Variants in ALK observed in about 807,000 individuals in gnomAD.
The protein encoded by ALK is ALK receptor tyrosine kinase, also known as ALK tyrosine kinase receptor.
In ALK, 74 loss-of-function variants were observed where a neutral mutation model predicts 163.1. The ratio of observed to expected loss-of-function variants is 0.45; its 90% CI spans 0.38 to 0.55. The LOEUF (loss-of-function observed/expected upper bound fraction) is 0.55. Ranked by LOEUF, ALK falls within the 20% of genes least tolerant of loss-of-function variation. The pLI is 0.00. For missense variants in ALK, 2,063 were observed against 2,105.3 expected (o/e 0.98, Z 0.39); for synonymous variants, 960 against 843.2 (o/e 1.14, Z -2.40).
chr2:29,288,951 C>CAAAAAAAAAAAAAAAAAAAAAAAAAAAA (rs770578645), intron 9 of ALK, among the ~76,000 whole-genome samples: 1 of 24,182 alleles, frequency 4.1e-5, no homozygotes, highest in African/African-American at 5.9e-5. Flanking sequence ...GACTCCTTCT[C>CAAAAAAAAAAAAAAAAAAAAAAAAAAAA]AAAAAAATAA....
intron 25 of ALK, among the ~76,000 whole-genome samples, chr2:29,209,210 C>A (rs1364579066): frequency 6.6e-6 from 1 of 152,120 alleles, no homozygotes; most frequent in African/African-American, 2.4e-5. Context: ...CAGAGCATGG[C>A]CAGATTACAG....
At chr2:29,808,059 T>C (rs932656714) in intron 1 of ALK, among the ~76,000 whole-genome samples, 13 of 152,230 alleles carry the variant, frequency 8.5e-5, no homozygotes, top group African/African-American at 3.1e-4. Flanking sequence ...ATTGTTTGGT[T>C]TTCATTTTAT....
Position 29,920,564 on chromosome 2 carries a change from TG to T in ALK, c.95del (p.Pro32GlnfsTer49). On this transcript the variant is annotated frameshift_variant, in exon 1 of 29. Coordinates refer to ENST00000389048, the MANE Select transcript of ALK (RefSeq NM_004304.5). LOFTEE classifies it high-confidence loss of function. The part of the protein sequence containing the change: ...GMGTGQRAGS[P>X]AAGPPLQPRE... ...GGGGCTGCAGCGGCGGCCCCGCAGC[TG>T]GGGAGCCCGCGCGCTGGCCGGTCCC... 6.3e-7 allele frequency: 1 copy of T among 1,596,276 alleles called. No individual in the cohort carries two copies.
At chr2:29,565,097 T>A (rs1205654106) in intron 3 of ALK, among the ~76,000 whole-genome samples, 1 of 152,242 alleles carries the variant, frequency 6.6e-6, no homozygotes, top group Non-Finnish European at 1.5e-5. Context: ...AAGGGACTAA[T>A]GTACAACTCT....
chr2:29,264,053 T>G (rs966671827), intron 11 of ALK, among the ~76,000 whole-genome samples: 3 of 152,206 alleles, frequency 2.0e-5, no homozygotes, highest in African/African-American at 7.2e-5. Flanking sequence ...AACCAACTTT[T>G]TCGTGCTTCT....
intron 23 of ALK, among the ~76,000 whole-genome samples, chr2:29,218,236 C>T (rs1206039812): frequency 6.6e-6 from 1 of 152,150 alleles, no homozygotes; most frequent in Non-Finnish European, 1.5e-5. Flanking sequence ...GCCTGGTTGG[C>T]AACGAGAGCC....
In ALK at chr2:29,305,914, C is replaced by T. The variant is rs545052697; in HGVS notation, c.1648-8857G>A. Among the ~76,000 whole-genome samples the T allele has an allele frequency of 9.2e-5, 14 of 152,224 alleles. No individual in the cohort carries two copies. In the South Asian group the frequency reaches 1.2e-3, roughly 14 times the overall value. ...AATGTCAGATCAGTGCAATAGGGCT[C>T]GCACTTCTATGAGAATCTAGTGCCA... On this transcript the variant is annotated intron_variant, in intron 8 of 28. Transcript: ENST00000389048.
intron 4 of ALK, among the ~76,000 whole-genome samples, chr2:29,419,108 G>A (rs1037168969): frequency 6.6e-6 from 1 of 151,308 alleles, no homozygotes; most frequent in African/African-American, 2.5e-5. Flanking sequence ...AGGCTTGGGT[G>A]CAGTAGTGCA....
At chr2:29,874,533 A>G (rs890711472) in intron 1 of ALK, among the ~76,000 whole-genome samples, 2 of 152,192 alleles carry the variant, frequency 1.3e-5, no homozygotes, top group Non-Finnish European at 2.9e-5. Context: ...CCCGGCCCAC[A>G]TGCACCTAGA....
In ALK at chr2:29,546,347, GA is replaced by G. The variant is rs1271347383; in HGVS notation, c.953-14232del. 1.5e-4 allele frequency among the ~76,000 whole-genome samples: 23 copies of G among 152,316 alleles called. No individual in the cohort carries two copies. In the East Asian group the frequency reaches 4.4e-3, roughly 29 times the overall value. ...AAAAGGCAAAGCAAATAAATAGAAA[GA>G]AACAGAAGACAAAGTGCTGAGAAAT... On this transcript the variant is annotated intron_variant, in intron 3 of 28. Transcript: ENST00000389048.
At chr2:29,479,359 C>T (rs1450226619) in intron 4 of ALK, among the ~76,000 whole-genome samples, 1 of 152,202 alleles carries the variant, frequency 6.6e-6, no homozygotes, top group Non-Finnish European at 1.5e-5. Context: ...AGGTAGCTAA[C>T]AAGCAGGCCC....
intron 1 of ALK, among the ~76,000 whole-genome samples, chr2:29,896,974 CT>C (rs1280788378): frequency 6.6e-6 from 1 of 152,184 alleles, no homozygotes; most frequent in Non-Finnish European, 1.5e-5. Flanking sequence ...CAAAGCAGAG[CT>C]TAGATATAGA....
rs143081196 is a variant in ALK, at chr2:29,665,440, G to A, written c.952+29410C>T. On this transcript the variant is annotated intron_variant, in intron 3 of 28. Coordinates refer to ENST00000389048, the MANE Select transcript of ALK (RefSeq NM_004304.5). ...TAATCACAGCAAGTTTAATGTGTCTGTCACCTACTCCAAACCATGAACTAT... is the reference window on the plus strand; with the variant it reads ...TAATCACAGCAAGTTTAATGTGTCTATCACCTACTCCAAACCATGAACTAT... Among the ~76,000 whole-genome samples the A allele has an allele frequency of 8.1e-3, 1,239 of 152,130 alleles. 14 individuals carry two copies. Among genetic ancestry groups the A allele is most frequent in the South Asian group, 0.045 (215 of 4,810 alleles).
At chr2:29,894,872 A>G (rs1448346129) in intron 1 of ALK, among the ~76,000 whole-genome samples, 1 of 150,946 alleles carries the variant, frequency 6.6e-6, no homozygotes, top group Non-Finnish European at 1.5e-5. Context: ...ACACACACAC[A>G]CACACCCCGA....
intron 5 of ALK, among the ~76,000 whole-genome samples, chr2:29,364,380 C>T (rs1394027003): frequency 6.6e-6 from 1 of 152,120 alleles, no homozygotes; most frequent in Non-Finnish European, 1.5e-5. Context: ...TGGGGAAGGA[C>T]CAGCTAACCA....
chr2:29,771,597 C>T (rs1333021682), intron 1 of ALK, among the ~76,000 whole-genome samples: 1 of 151,826 alleles, frequency 6.6e-6, no homozygotes, highest in East Asian at 1.9e-4. Context: ...TGCAGTGTCA[C>T]GATCTCGACT....
Position 29,233,617 on chromosome 2 carries a change from T to C in ALK, c.2435A>G (p.His812Arg), listed in dbSNP as rs866703896. Residue 812 changes from histidine (H) to arginine (R), a missense_variant, in exon 14 of 29, where the codon CAT becomes CGT. His to Arg is a conservative substitution (Grantham distance 29). Around this residue, in one of 5 missense-constraint regions of ALK, gnomAD observed 575 missense variants for 626.6 expected, o/e 0.92. Transcript: ENST00000389048. Reference sequence around the variant, plus strand: ...TCCTCCTCCGCCTCCTGCCCACTCATGCACGCTTCTGTTCACACGGATTTC... The same window carrying C: ...TCCTCCTCCGCCTCCTGCCCACTCACGCACGCTTCTGTTCACACGGATTTC... ...EEEIRVNRSVHEWAGGGGGGG... is the reference protein window; with the variant it reads ...EEEIRVNRSVREWAGGGGGGG... 7.4e-6 allele frequency: 12 copies of C among 1,614,136 alleles called. No homozygotes were observed. The African/African-American group carries it at 1.1e-4, about 14-fold the overall frequency.
At chr2:29,890,092 G>A (rs1667106174) in intron 1 of ALK, among the ~76,000 whole-genome samples, 2 of 152,168 alleles carry the variant, frequency 1.3e-5, no homozygotes, top group African/African-American at 4.8e-5. Flanking sequence ...AGCTCTGCTG[G>A]GTCTTTAACC....
At chr2:29,223,019 A>G (rs1382199703) in intron 20 of ALK, among the ~76,000 whole-genome samples, 1 of 152,086 alleles carries the variant, frequency 6.6e-6, no homozygotes, top group Non-Finnish European at 1.5e-5. Context: ...CAGTTGCTCT[A>G]GATGCTCAGA....
Sources: allele counts gnomAD v4.1 joint callset (sites outside exome capture counted in the v4.1 genomes callset), GRCh38; gene constraint gnomAD v4.1.1; regional missense constraint gnomAD v4.1.1; transcripts MANE v1.5; gene names NCBI Gene and HGNC (gene_info 2026-07-23, HGNC 2026-07-21).